Variants in CAMK1D observed in about 807,000 individuals in gnomAD.
CAMK1D encodes the protein calcium/calmodulin-dependent protein kinase type 1D.
CAMK1D carries 9 observed loss-of-function variants against 47.7 expected under a neutral mutation model. The observed-to-expected ratio is 0.19, with a 90% CI of 0.11 to 0.33. The LOEUF is 0.33. CAMK1D is among the 10% of genes least tolerant of loss of function. The pLI is 1.00. For synonymous variants in CAMK1D, 184 were observed against 184.9 expected (o/e 0.99, Z 0.04); for missense variants, 291 against 488.7 (o/e 0.60, Z 3.81).
Position 12,835,322 on chromosome 10 carries a change from T to G in CAMK1D, c.*6435T>G, listed in dbSNP as rs1833488289. 6.6e-6 allele frequency: 1 copy of G among 152,216 alleles called. No individual in the cohort carries two copies. Among genetic ancestry groups the G allele is most frequent in the Admixed American group, 6.5e-5 (1 of 15,276 alleles). The allele number at this position is 152,216 out of a possible 1,614,324, so 9.4% of individuals were successfully genotyped here. A position where few individuals can be genotyped will look rare whatever the true frequency, so the allele number is the denominator to read the frequency against. On this transcript the variant is annotated 3_prime_UTR_variant, in exon 11 of 11. Coordinates refer to ENST00000619168, the MANE Select transcript of CAMK1D (RefSeq NM_153498.4). ...GTTCAATTTTCCCATAAAAACATGT[T>G]TGTCCAAAAGAAGGGAAACTGTGAA...
intron 3 of CAMK1D, among the ~76,000 whole-genome samples, chr10:12,704,749 C>T (rs562515572): frequency 1.3e-5 from 2 of 152,270 alleles, no homozygotes; most frequent in East Asian, 3.9e-4. Flanking sequence ...TGGTTTCTGT[C>T]ATTCCTTTAA....
chr10:12,420,912 T>G lies in CAMK1D; in HGVS notation c.92+71002T>G, dbSNP rs117767763. ...GGTTGGCTGCTGCAGGTGGAGCTCCTGCCACGTCTGTTCTGTGAGCTCGCC... is the reference window on the plus strand; with the variant it reads ...GGTTGGCTGCTGCAGGTGGAGCTCCGGCCACGTCTGTTCTGTGAGCTCGCC... On this transcript the variant is annotated intron_variant, in intron 1 of 10. Transcript: ENST00000619168. Among the ~76,000 whole-genome samples the G allele has an allele frequency of 4.4e-3, 668 of 152,322 alleles. 8 individuals carry two copies. In the East Asian group the frequency reaches 0.064, roughly 15 times the overall value.
intron 3 of CAMK1D, among the ~76,000 whole-genome samples, 165 bp from the exon 4 acceptor site, chr10:12,760,783 T>C (rs1013737790): frequency 6.6e-6 from 1 of 152,160 alleles, no homozygotes; most frequent in South Asian, 2.1e-4. Flanking sequence ...TGCTGTGACA[T>C]GGAAACATTT....
At chr10:12,387,433 ATTATATATATTT>A (rs1478759656) in intron 1 of CAMK1D, among the ~76,000 whole-genome samples, 28 of 53,742 alleles carry the variant, frequency 5.2e-4, no homozygotes, top group African/African-American at 1.5e-3. Flanking sequence ...TATTTTATAT[ATTATATATATTT>A]TATATATATA....
intron 2 of CAMK1D, among the ~76,000 whole-genome samples, chr10:12,589,256 T>C (rs1313052266): frequency 6.6e-6 from 1 of 152,204 alleles, no homozygotes; most frequent in Non-Finnish European, 1.5e-5. Context: ...TCAAACAATC[T>C]TCCCACCTTG....
At position 12,361,587 on chromosome 10, in the gene CAMK1D, G is replaced by T. The variant is rs538337966; in HGVS notation, c.92+11677G>T. 2.0e-3 allele frequency among the ~76,000 whole-genome samples: 244 copies of T among 121,378 alleles called. 3 individuals are homozygous for T. Among genetic ancestry groups the T allele is most frequent in the African/African-American group, 7.6e-3 (235 of 30,972 alleles). 79.6% of individuals were successfully genotyped at this position (121,378 alleles called of 152,430 possible). ...TTTTTTTTAATTGAGATGGAGTCTC[G>T]CTCTGTGGCCCAGGCTGGAGTGCAG... On this transcript the variant is annotated intron_variant, in intron 1 of 10. Coordinates refer to ENST00000619168, the MANE Select transcript of CAMK1D (RefSeq NM_153498.4).
At chr10:12,370,996 C>T (rs1837985924) in intron 1 of CAMK1D, among the ~76,000 whole-genome samples, 1 of 152,050 alleles carries the variant, frequency 6.6e-6, no homozygotes, top group Non-Finnish European at 1.5e-5. Context: ...TATTTTTTTG[C>T]AGCTATACAG....
At chr10:12,492,960 G>C (rs1328974679) in intron 1 of CAMK1D, among the ~76,000 whole-genome samples, 2 of 152,158 alleles carry the variant, frequency 1.3e-5, no homozygotes, top group African/African-American at 4.8e-5. Context: ...GTGGATGCCC[G>C]GCTTCCCTGG....
intron 1 of CAMK1D, among the ~76,000 whole-genome samples, chr10:12,511,468 A>C (rs1222867598): frequency 1.3e-5 from 2 of 152,090 alleles, no homozygotes; most frequent in African/African-American, 4.8e-5. Context: ...CAAATTGGTC[A>C]GGTGTGGTGG....
At chr10:12,710,178 A>G (rs1375678246) in intron 3 of CAMK1D, among the ~76,000 whole-genome samples, 2 of 152,252 alleles carry the variant, frequency 1.3e-5, no homozygotes, top group Admixed American at 1.3e-4. Context: ...GTTTGTAACT[A>G]TCAGCTTCAC....
At chr10:12,510,610 G>A (rs955787713) in intron 1 of CAMK1D, among the ~76,000 whole-genome samples, 1 of 152,196 alleles carries the variant, frequency 6.6e-6, no homozygotes, top group African/African-American at 2.4e-5. Context: ...TCTTTGCCAA[G>A]GGAACTTGTG....
intron 1 of CAMK1D, among the ~76,000 whole-genome samples, chr10:12,427,573 C>G (rs896383963): frequency 1.4e-4 from 22 of 152,190 alleles, no homozygotes; most frequent in South Asian, 1.2e-3. Context: ...AACCAGCGCC[C>G]CAGCCTGGCC....
chr10:12,524,639 A>G (rs11257861), intron 1 of CAMK1D, among the ~76,000 whole-genome samples: 77,329 of 151,768 alleles, frequency 0.51, 19,914 homozygotes, highest in South Asian at 0.62. Context: ...CCCAGGAGGC[A>G]GAGCTTGCAG....
intron 2 of CAMK1D, among the ~76,000 whole-genome samples, chr10:12,560,760 C>T (rs921155016): frequency 1.3e-5 from 2 of 151,910 alleles, no homozygotes; most frequent in African/African-American, 2.4e-5. Flanking sequence ...CTGGAAAGCT[C>T]GCACTGGAAT....
intron 3 of CAMK1D, among the ~76,000 whole-genome samples, chr10:12,678,759 T>C (rs1197315130): frequency 6.6e-6 from 1 of 152,206 alleles, no homozygotes; most frequent in African/African-American, 2.4e-5. Flanking sequence ...TTTTGACTTT[T>C]TATAATCATG....
intron 2 of CAMK1D, among the ~76,000 whole-genome samples, chr10:12,618,725 A>G (rs934597985): frequency 3.3e-5 from 5 of 152,208 alleles, no homozygotes; most frequent in Non-Finnish European, 7.3e-5. Context: ...GGGAAAAAAA[A>G]AGAGACTCTT....
chr10:12,432,208 G>A (rs1480738345), intron 1 of CAMK1D, among the ~76,000 whole-genome samples: 2 of 152,230 alleles, frequency 1.3e-5, no homozygotes, highest in Non-Finnish European at 2.9e-5. Flanking sequence ...GAGGTGGATT[G>A]AAACTTGCCC....
chr10:12,648,294 CT>C (rs982798475), intron 2 of CAMK1D, among the ~76,000 whole-genome samples: 1 of 152,094 alleles, frequency 6.6e-6, no homozygotes, highest in Non-Finnish European at 1.5e-5. Context: ...TTACTAGAGA[CT>C]TTTAAAAATG....
intron 3 of CAMK1D, among the ~76,000 whole-genome samples, chr10:12,722,467 A>AG (rs1478801079): frequency 6.6e-6 from 1 of 150,920 alleles, no homozygotes; most frequent in East Asian, 1.9e-4. Context: ...AAAAAAAAAA[A>AG]AAAAAAAAGA....
Sources: allele counts gnomAD v4.1 joint callset (sites outside exome capture counted in the v4.1 genomes callset), GRCh38; gene constraint gnomAD v4.1.1; transcripts MANE v1.5; gene names NCBI Gene and HGNC (gene_info 2026-07-23, HGNC 2026-07-21).